SLC66A1: variants seen among roughly 807,000 people sequenced by gnomAD.
SLC66A1 encodes lysosomal amino acid transporter 1 homolog.
SLC66A1 carries 23 observed loss-of-function variants against 33.0 expected under a neutral mutation model. The observed-to-expected ratio is 0.70, with a 90% confidence interval of 0.50 to 0.99. The LOEUF (loss-of-function observed/expected upper bound fraction) is 0.99. SLC66A1 is among the 50% of genes least tolerant of loss of function. The pLI, the probability that SLC66A1 is intolerant of heterozygous loss-of-function variation, is 0.00. For synonymous variants in SLC66A1, 164 were observed against 175.5 expected (o/e 0.93, Z 0.52); for missense variants, 335 against 383.6 (o/e 0.87, Z 1.06).
rs566707461 is a variant in SLC66A1 at position 19,322,644 on chromosome 1, C to T, written c.165-1989C>T. Reference sequence around the variant, plus strand: ...CAGCGGAGCTCGTGTCGGGGAGGCCCAGAGGAGGAACCGACATTTCCTGAG... The same window carrying T: ...CAGCGGAGCTCGTGTCGGGGAGGCCTAGAGGAGGAACCGACATTTCCTGAG... On this transcript the variant is annotated intron_variant, in intron 2 of 7. Coordinates refer to ENST00000375153, the MANE Select transcript of SLC66A1 (RefSeq NM_001040125.2). Among the ~76,000 whole-genome samples, 110 of 152,202 alleles carry T rather than the reference C, an allele frequency of 7.2e-4. 3 individuals carry two copies. Among genetic ancestry groups the T allele is most frequent in the South Asian group, 4.2e-4 (2 of 4,818 alleles).
downstream of SLC66A1, among the ~76,000 whole-genome samples, chr1:19,332,107 G>A (rs544414673): frequency 2.6e-5 from 4 of 152,320 alleles, no homozygotes; most frequent in East Asian, 7.7e-4. Context: ...GCCCCAAGGA[G>A]GATTCAAACT....
At position 19,328,699 on chromosome 1, in the gene SLC66A1, G is replaced by T. The variant is rs547807790; in HGVS notation, c.*56G>T. The T allele has an allele frequency of 9.5e-6, 15 of 1,572,154 alleles. No homozygotes were observed. In the East Asian group the frequency reaches 2.7e-4, roughly 28 times the overall value. ...CACCACCGGATGCCACACCAGGCAG[G>T]AGGAGGTGTGGACAGTGATGGTACG... On this transcript the variant is annotated 3_prime_UTR_variant, in exon 8 of 8. Transcript: ENST00000375153. This position sits in a 1 kb window ranked among gnomAD's most constrained non-coding sequence, Gnocchi z 4.7.
At chr1:19,314,182 T>C (rs859218) in intron 1 of SLC66A1, among the ~76,000 whole-genome samples, 104,310 of 152,120 alleles carry the variant, frequency 0.69, 36,303 homozygotes, top group African/African-American at 0.81. Context: ...GAGCCAGGCC[T>C]TTCTGTTCAG....
intron 7 of SLC66A1, chr1:19,327,932 A>T (rs550250570): frequency 4.1e-4 from 109 of 265,922 alleles, no homozygotes; most frequent in African/African-American, 2.2e-3. Flanking sequence ...CTGGGTTCAA[A>T]TCCTGGCTCC....
rs2093878613 is a variant in SLC66A1, at chr1:19,328,021, C to T, written c.805-551C>T. On this transcript the variant is annotated intron_variant, in intron 7 of 7. Coordinates refer to ENST00000375153, the MANE Select transcript of SLC66A1 (RefSeq NM_001040125.2). The surrounding 1 kb of genome is among the most constrained non-coding windows in gnomAD (Gnocchi z 4.7). ...GCCGTGTCTTCACCTCAGTTAACAG[C>T]CACTGTCTCGTCAGGATGTTGTGTA... 1 of 244,498 alleles carries T rather than the reference C, an allele frequency of 4.1e-6. No individual in the cohort carries two copies. The allele number at this position is 244,498 out of a possible 1,614,324, so 15.1% of individuals were successfully genotyped here. A position where few individuals can be genotyped will look rare whatever the true frequency, so the allele number is the denominator to read the frequency against.
chr1:19,323,290 A>G (rs915727783), intron 2 of SLC66A1, among the ~76,000 whole-genome samples: 1 of 152,226 alleles, frequency 6.6e-6, no homozygotes, highest in Non-Finnish European at 1.5e-5. Flanking sequence ...GAGGCTTGTT[A>G]GGAGGCTGAG....
At chr1:19,333,551 TTCTG>T (rs1405273312), downstream of SLC66A1, among the ~76,000 whole-genome samples, 1 of 152,122 alleles carries the variant, frequency 6.6e-6, no homozygotes, top group Non-Finnish European at 1.5e-5. The surrounding 1 kb of genome is among the most constrained non-coding windows in gnomAD (Gnocchi z 4.2). Context: ...TCTCCACCCT[TTCTG>T]TCTGTGTGAC....
At chr1:19,327,998 C>G (rs541773013) in intron 7 of SLC66A1, 2 of 252,892 alleles carry the variant, frequency 7.9e-6, no homozygotes, top group African/African-American at 4.5e-5. Context: ...TCTGTGCTGC[C>G]GTGTCTTCAC....
chr1:19,334,320 T>C, the SLC66A1 span, among the ~76,000 whole-genome samples: 2 of 152,192 alleles, frequency 1.3e-5, no homozygotes, highest in Non-Finnish European at 2.9e-5. Flanking sequence ...CTGTATACTT[T>C]AGATACATGA....
Position 19,326,183 on chromosome 1 carries a change from C to T in SLC66A1, c.383-62C>T. 11 of 1,520,838 alleles carry T rather than the reference C, an allele frequency of 7.2e-6. No homozygotes were observed. The South Asian group carries it at 1.2e-4, about 17-fold the overall frequency. 94.2% of individuals were successfully genotyped at this position (1,520,838 alleles called of 1,614,324 possible). A position where few individuals can be genotyped will look rare whatever the true frequency, so the allele number is the denominator to read the frequency against. ...AGGGGCAAGGCCAGGACTTAGCACC[C>T]TCCCCCGACAACCGCTGCCACTCAG... On this transcript the variant is annotated intron_variant, in intron 4 of 7. Coordinates refer to ENST00000375153, the MANE Select transcript of SLC66A1 (RefSeq NM_001040125.2).
At chr1:19,326,805 T>C (rs2093870205) in intron 6 of SLC66A1, among the ~76,000 whole-genome samples, 182 bp downstream of exon 6, 1 of 152,136 alleles carries the variant, frequency 6.6e-6, no homozygotes, top group South Asian at 2.1e-4. Flanking sequence ...TTCTGGAAAA[T>C]GGGCGTGGCG....
chr1:19,313,363 C>T (rs979767394), intron 1 of SLC66A1, among the ~76,000 whole-genome samples: 3 of 152,198 alleles, frequency 2.0e-5, no homozygotes. Context: ...CTGTCCTTCT[C>T]TCTACCTCTC....
chr1:19,317,884 G>A, intron 2 of SLC66A1, 43 bp downstream of exon 2: 2 of 1,586,998 alleles, frequency 1.3e-6, no homozygotes, highest in Non-Finnish European at 1.7e-6. Flanking sequence ...GGGCTGTGGG[G>A]TTGAGGCAGT....
rs896469481 is a variant in SLC66A1 at position 19,328,727 on chromosome 1, G to A, written c.*84G>A. ...GAGGTGTGGACAGTGATGGTACGGC[G>A]GCCCTGCATCAGCCTGCGGGTGGCC... On this transcript the variant is annotated 3_prime_UTR_variant, in exon 8 of 8. Transcript: ENST00000375153. The surrounding 1 kb of genome is among the most constrained non-coding windows in gnomAD (Gnocchi z 4.7). 1.4e-5 allele frequency: 20 copies of A among 1,457,958 alleles called. No individual in the cohort carries two copies. Among genetic ancestry groups the A allele is most frequent in the Middle Eastern group, 1.9e-4 (1 of 5,394 alleles). The allele number at this position is 1,457,958 out of a possible 1,614,324, so 90.3% of individuals were successfully genotyped here.
At chr1:19,333,545 C>T (rs2093897620), downstream of SLC66A1, among the ~76,000 whole-genome samples, 1 of 152,164 alleles carries the variant, frequency 6.6e-6, no homozygotes, top group South Asian at 2.1e-4. This position sits in a 1 kb window ranked among gnomAD's most constrained non-coding sequence, Gnocchi z 4.2. Flanking sequence ...CACCACTCTC[C>T]ACCCTTTCTG....
At chr1:19,327,467 C>A in intron 7 of SLC66A1, 55 bp downstream of exon 7, 2 of 1,552,754 alleles carry the variant, frequency 1.3e-6, no homozygotes, top group South Asian at 1.2e-5. Flanking sequence ...GAAGCTTCTG[C>A]CTGCACACAG....
chr1:19,315,382 C>T (rs2093799642), intron 1 of SLC66A1, among the ~76,000 whole-genome samples: 1 of 152,234 alleles, frequency 6.6e-6, no homozygotes, highest in Non-Finnish European at 1.5e-5. Flanking sequence ...GTCCAGTGAG[C>T]TGGGCTGACA....
chr1:19,322,894 T>TG (rs1026714555), intron 2 of SLC66A1, among the ~76,000 whole-genome samples: 17 of 152,020 alleles, frequency 1.1e-4, no homozygotes, highest in African/African-American at 3.6e-4. Context: ...AATTTTTTTT[T>TG]TTTTTGAGAC....
Position 19,313,750 on chromosome 1 carries a change from T to C in SLC66A1, c.-79+861T>C, listed in dbSNP as rs541933455. 2.0e-5 allele frequency among the ~76,000 whole-genome samples: 3 copies of C among 152,344 alleles called. No individual in the cohort carries two copies. The South Asian group carries it at 6.2e-4, about 32-fold the overall frequency. ...TGGGAGGGCAGTTCTTGGAGTAACT[T>C]GAGGCCTAGCCTCAGGTAATTTGGA... On this transcript the variant is annotated intron_variant, in intron 1 of 7. Transcript: ENST00000375153.
Sources: gnomAD v4.1 joint callset for allele counts (sites outside exome capture counted in the v4.1 genomes callset) on GRCh38, gnomAD v4.1.1 for gene constraint, Gnocchi (gnomAD v3.1) non-coding constraint, MANE v1.5 for transcripts, NCBI Gene and HGNC (gene_info 2026-07-23, HGNC 2026-07-21) for gene names.